The following PRMT8 variants were observed in gnomAD, a reference collection of about 807,000 sequenced individuals.
PRMT8 encodes protein arginine N-methyltransferase 8.
In PRMT8, 7 loss-of-function variants were observed where a neutral mutation model predicts 47.1. The observed-to-expected ratio is 0.15, with a 90% confidence interval of 0.08 to 0.28. The LOEUF is 0.28. Ranked by LOEUF, PRMT8 falls within the 10% of genes least tolerant of loss-of-function variation. The probability of loss-of-function intolerance (pLI) is 1.00; values close to 1 mark genes in which losing one functional copy is unlikely to be tolerated. For missense variants in PRMT8, 237 were observed against 505.4 expected (o/e 0.47, Z 5.09); for synonymous variants, 188 against 186.5 (o/e 1.01, Z -0.07).
intron 1 of PRMT8, among the ~76,000 whole-genome samples, chr12:3,426,817 G>A (rs1006569900): frequency 1.3e-5 from 2 of 152,120 alleles, no homozygotes; most frequent in Admixed American, 6.5e-5. Context: ...TGACTCGGTT[G>A]TGGTGAGTCT....
chr12:3,491,831 CCTGTGTGTGTGT>C (rs1865409112), intron 1 of PRMT8, 131 bp downstream of exon 1: 13 of 738,920 alleles, frequency 1.8e-5, no homozygotes, highest in East Asian at 1.6e-4. Flanking sequence ...CCGGCCTCCT[CCTGTGTGTGTGT>C]GTGTGTGTGT....
At chr12:3,430,577 C>T (rs1037376674) in intron 1 of PRMT8, among the ~76,000 whole-genome samples, 2 of 152,122 alleles carry the variant, frequency 1.3e-5, no homozygotes, top group African/African-American at 4.8e-5. Context: ...ACCAAATAAA[C>T]CTTAAGTCTC....
intron 1 of PRMT8, among the ~76,000 whole-genome samples, chr12:3,458,087 C>T (rs954008159): frequency 2.0e-5 from 3 of 152,124 alleles, no homozygotes; most frequent in East Asian, 1.9e-4. Flanking sequence ...GTGATCCGCC[C>T]GCCTCGGCCT....
intron 2 of PRMT8, among the ~76,000 whole-genome samples, chr12:3,545,899 C>G (rs1209705906): frequency 6.6e-6 from 1 of 152,216 alleles, no homozygotes; most frequent in African/African-American, 2.4e-5. Flanking sequence ...CATCCCCAAA[C>G]TACAGAAGAC....
chr12:3,515,251 A>T (rs1232170423), intron 1 of PRMT8, among the ~76,000 whole-genome samples: 2 of 152,296 alleles, frequency 1.3e-5, no homozygotes, highest in East Asian at 3.9e-4. Context: ...AGCTGCTCAC[A>T]TGTTTTGGAT....
intron 1 of PRMT8, among the ~76,000 whole-genome samples, chr12:3,397,607 T>C (rs1417338069): frequency 6.6e-6 from 1 of 151,888 alleles, no homozygotes; most frequent in Non-Finnish European, 1.5e-5. Context: ...ACCACTGCTC[T>C]CTTCAAAGCT....
At position 3,569,773 on chromosome 12, in the gene PRMT8, T is replaced by A. The variant is rs1288335566; in HGVS notation, c.712+209T>A. ...GTCTACAGACAGAAAATAAGCCATA[T>A]GGCTGGGATGAGAGAAATGTCCTGG... On this transcript the variant is annotated intron_variant, in intron 6 of 9. Transcript: ENST00000382622. The surrounding 1 kb of genome is among the most constrained non-coding windows in gnomAD (Gnocchi z 8.2). Among the ~76,000 whole-genome samples, 1 of 152,198 alleles carries A rather than the reference T, an allele frequency of 6.6e-6. No homozygotes were observed. Among genetic ancestry groups the A allele is most frequent in the South Asian group, 2.1e-4 (1 of 4,828 alleles).
intron 1 of PRMT8, among the ~76,000 whole-genome samples, chr12:3,532,219 G>C (rs970745050): frequency 6.6e-5 from 10 of 150,690 alleles, no homozygotes; most frequent in African/African-American, 2.4e-4. Flanking sequence ...GATAGTAGTA[G>C]ATGCCCTAAT....
chr12:3,421,782 G>T (rs1219423021), intron 1 of PRMT8, among the ~76,000 whole-genome samples: 3 of 152,222 alleles, frequency 2.0e-5, no homozygotes, highest in African/African-American at 7.2e-5. Flanking sequence ...AGAGCAGGTT[G>T]TCAGGCTGAC....
Position 3,568,694 on chromosome 12 carries a change from C to T in PRMT8, c.482-12C>T, listed in dbSNP as rs1319606259. The stretch of plus-strand genomic sequence containing the variant: ...CCCTGCAAAGTATGGCCCTGGGGTT[C>T]TTATTTTCCAGTCATCACCATATTT... On this transcript the variant is annotated splice_polypyrimidine_tract_variant and intron_variant, in intron 4 of 9. Coordinates refer to ENST00000382622, the MANE Select transcript of PRMT8 (RefSeq NM_019854.5). The T allele has an allele frequency of 6.2e-7, 1 of 1,614,008 alleles. No individual in the cohort carries two copies. The highest frequency in any genetic ancestry group is 8.5e-7 in the Non-Finnish European group (1 of 1,179,994).
At chr12:3,575,257 G>T (rs373660476) in intron 6 of PRMT8, among the ~76,000 whole-genome samples, 4 of 152,126 alleles carry the variant, frequency 2.6e-5, no homozygotes, top group Non-Finnish European at 5.9e-5. Flanking sequence ...ACCTCCTGCC[G>T]CACACACCCA....
intron 1 of PRMT8, among the ~76,000 whole-genome samples, chr12:3,477,019 T>A (rs942542030): frequency 6.6e-6 from 1 of 152,166 alleles, no homozygotes; most frequent in African/African-American, 2.4e-5. Flanking sequence ...TGGAGTGTGA[T>A]TGACTATAGG....
intron 1 of PRMT8, among the ~76,000 whole-genome samples, chr12:3,447,653 A>G (rs1864872533): frequency 6.6e-6 from 1 of 151,498 alleles, no homozygotes. Context: ...GCTTCTCCCT[A>G]CCACATGTCA....
chr12:3,577,367 A>G (rs1866966394), intron 7 of PRMT8, among the ~76,000 whole-genome samples: 1 of 152,224 alleles, frequency 6.6e-6, no homozygotes, highest in South Asian at 2.1e-4. Context: ...CCAGGACCTC[A>G]GTATGCTGTG....
chr12:3,518,218 C>G (rs1865826257), intron 1 of PRMT8, among the ~76,000 whole-genome samples: 1 of 151,984 alleles, frequency 6.6e-6, no homozygotes, highest in South Asian at 2.1e-4. Flanking sequence ...CCAATGCTCC[C>G]TTAAATCCTT....
chr12:3,415,966 G>C (rs1864479202), intron 1 of PRMT8, among the ~76,000 whole-genome samples: 1 of 152,218 alleles, frequency 6.6e-6, no homozygotes, highest in South Asian at 2.1e-4. Flanking sequence ...GCCTGTGCAG[G>C]ATCACTTGAT....
At chr12:3,388,322 C>T (rs1465492524) in intron 1 of PRMT8, among the ~76,000 whole-genome samples, 1 of 152,148 alleles carries the variant, frequency 6.6e-6, no homozygotes, top group Non-Finnish European at 1.5e-5. Context: ...AAGAATATTG[C>T]ATAAGTGACA....
intron 1 of PRMT8, among the ~76,000 whole-genome samples, chr12:3,494,192 T>C (rs1865469301): frequency 6.6e-6 from 1 of 152,132 alleles, no homozygotes; most frequent in East Asian, 1.9e-4. Context: ...ACCGGCTCTG[T>C]ACCAGGAAAG....
chr12:3,391,367 T>G (rs756244838), intron 1 of PRMT8, among the ~76,000 whole-genome samples: 9 of 152,122 alleles, frequency 5.9e-5, no homozygotes, highest in Non-Finnish European at 8.8e-5. Flanking sequence ...ATTAAGAAGG[T>G]GGCATTTGAC....
Sources: gnomAD v4.1 joint callset for allele counts (sites outside exome capture counted in the v4.1 genomes callset) on GRCh38, gnomAD v4.1.1 for gene constraint, Gnocchi (gnomAD v3.1) non-coding constraint, MANE v1.5 for transcripts, NCBI Gene and HGNC (gene_info 2026-07-23, HGNC 2026-07-21) for gene names.